The following ARPP21 variants were observed in gnomAD, a reference collection of about 807,000 sequenced individuals.
ARPP21 encodes the protein cAMP regulated phosphoprotein 21.
In ARPP21, 69 loss-of-function variants were observed where a neutral mutation model predicts 113.2. The observed-to-expected ratio is 0.61, with a 90% CI of 0.50 to 0.74. The LOEUF (loss-of-function observed/expected upper bound fraction) is 0.74, where lower values mean the gene tolerates loss of function less well. ARPP21 is among the 30% of genes least tolerant of loss of function. ARPP21 has a pLI of 0.00. For missense variants in ARPP21, 1,070 were observed against 1,037.4 expected, an observed-to-expected ratio of 1.03 and a Z score of -0.43; for synonymous variants, 368 against 375.5, an observed-to-expected ratio of 0.98 and a Z score of 0.23.
intron 16 of ARPP21, among the ~76,000 whole-genome samples, chr3:35,737,846 G>A (rs536720070): frequency 6.6e-6 from 1 of 152,314 alleles, no homozygotes; most frequent in East Asian, 1.9e-4. Flanking sequence ...GCCCTCCTTT[G>A]CTGGGAAGAC....
At position 35,748,033 on chromosome 3, in the gene ARPP21, G is replaced by C. The variant is rs1482977082; in HGVS notation, c.2137+4068G>C. On this transcript the variant is annotated intron_variant, in intron 19 of 20. Transcript: ENST00000684406. ...AGGAAAAGAAAGAAAGACAGAAAGA[G>C]AAAGGAGAGAGAGAAAGAAAAGGAA... Among the ~76,000 whole-genome samples, 4 of 130,380 alleles carry C rather than the reference G, an allele frequency of 3.1e-5. No homozygotes were observed. In the Admixed American group the frequency reaches 3.3e-4, roughly 11 times the overall value. 85.5% of individuals were successfully genotyped at this position (130,380 alleles called of 152,430 possible).
intron 19 of ARPP21, among the ~76,000 whole-genome samples, chr3:35,781,787 G>GAATGA (rs548077269): frequency 3.5e-3 from 533 of 152,188 alleles, no homozygotes; most frequent in Non-Finnish European, 5.4e-3. Flanking sequence ...CAAAATAATG[G>GAATGA]AGAATCAGAG....
At chr3:35,668,985 A>G (rs1559553363) in intron 1 of ARPP21, among the ~76,000 whole-genome samples, 1 of 152,170 alleles carries the variant, frequency 6.6e-6, no homozygotes, top group Non-Finnish European at 1.5e-5. Context: ...GGTGCTAGCA[A>G]TAAAGAATAA....
intron 19 of ARPP21, among the ~76,000 whole-genome samples, chr3:35,749,942 C>G (rs984451204): frequency 1.3e-5 from 2 of 151,870 alleles, no homozygotes; most frequent in African/African-American, 4.8e-5. Context: ...TTTAACTTCT[C>G]TCTTTTTATT....
chr3:35,683,873 G>T, intron 5 of ARPP21, 58 bp downstream of exon 5: 1 of 959,360 alleles, frequency 1.0e-6, no homozygotes, highest in South Asian at 1.3e-5. Context: ...TTGTGTGCAT[G>T]ACTCTTAATT....
intron 1 of ARPP21, among the ~76,000 whole-genome samples, chr3:35,644,921 G>T (rs974200862): frequency 6.6e-6 from 1 of 151,844 alleles, no homozygotes; most frequent in Non-Finnish European, 1.5e-5. Context: ...ACCTTTCAAT[G>T]TGACAGGTTT....
At chr3:35,683,001 G>A (rs1409665686) in intron 4 of ARPP21, 112 bp downstream of exon 4, 28 of 1,044,990 alleles carry the variant, frequency 2.7e-5, no homozygotes, top group Non-Finnish European at 3.9e-5. Flanking sequence ...CAGATATTGT[G>A]GGGCATCTCG....
At chr3:35,738,834 T>G (rs898472421) in intron 17 of ARPP21, among the ~76,000 whole-genome samples, 1 of 152,178 alleles carries the variant, frequency 6.6e-6, no homozygotes, top group Admixed American at 6.5e-5. Context: ...CTCCCTCATA[T>G]AGTAATATAA....
chr3:35,760,990 A>C (rs1448964032), intron 19 of ARPP21, among the ~76,000 whole-genome samples: 2 of 152,100 alleles, frequency 1.3e-5, no homozygotes, highest in Non-Finnish European at 2.9e-5. Flanking sequence ...CCCTGACTGT[A>C]ACAGATTCTA....
chr3:35,773,247 A>T (rs1230096472), intron 19 of ARPP21, among the ~76,000 whole-genome samples: 1 of 152,158 alleles, frequency 6.6e-6, no homozygotes, highest in Non-Finnish European at 1.5e-5. Context: ...TGCTTTCTAT[A>T]TACCAGACAG....
At chr3:35,684,614 T>TTACCTGAG (rs745651229) in intron 5 of ARPP21, 14 of 985,352 alleles carry the variant, frequency 1.4e-5, no homozygotes, top group Non-Finnish European at 1.6e-5. Context: ...GTAAAATGGT[T>TTACCTGAG]TACCTGAGCC....
At chr3:35,784,101 G>A (rs1389295252) in intron 19 of ARPP21, among the ~76,000 whole-genome samples, 2 of 152,148 alleles carry the variant, frequency 1.3e-5, no homozygotes, top group African/African-American at 2.4e-5. Context: ...TCTGTTTATG[G>A]CCTGTCTCCA....
At chr3:35,650,515 C>T (rs1701968925) in intron 1 of ARPP21, 1 of 151,746 alleles carries the variant, frequency 6.6e-6, no homozygotes, top group African/African-American at 2.4e-5. Context: ...GAATTAATTC[C>T]AACAAATTAG....
rs1210253578 is a variant in ARPP21 at position 35,739,517 on chromosome 3, G to A, written c.1950G>A (p.Gln650=). The change falls in exon 18 of 21, where the codon CAG becomes CAA. Residue 650 remains glutamine (Q), a synonymous_variant. Coordinates refer to ENST00000684406, the MANE Select transcript of ARPP21 (RefSeq NM_001385562.1). ...CAGGCTCTGGCCCTCCCATCTCCCA[G>A]CAGGTCCTCCAGCCCCCTCCCTCAC... ...GFSGSGPPIS[Q]QVLQPPPSPQ... 6.2e-7 allele frequency: 1 copy of A among 1,614,060 alleles called. No homozygotes were observed. Among genetic ancestry groups the A allele is most frequent in the East Asian group, 2.2e-5 (1 of 44,860 alleles).
intron 15 of ARPP21, among the ~76,000 whole-genome samples, chr3:35,734,810 A>G (rs1173529578): frequency 6.6e-6 from 1 of 152,176 alleles, no homozygotes; most frequent in African/African-American, 2.4e-5. Context: ...TTATTGAGCT[A>G]TACAATATAT....
At chr3:35,641,035 A>C (rs1458911307) in intron 1 of ARPP21, 1 of 152,150 alleles carries the variant, frequency 6.6e-6, no homozygotes, top group Non-Finnish European at 1.5e-5. Flanking sequence ...CTACCTGATC[A>C]CCTCCTGAAG....
At chr3:35,639,201 G>C (rs1278449691), upstream of ARPP21, among the ~76,000 whole-genome samples, 1 of 152,102 alleles carries the variant, frequency 6.6e-6, no homozygotes, top group African/African-American at 2.4e-5. The surrounding 1 kb of genome is among the most constrained non-coding windows in gnomAD (Gnocchi z 5.0). Flanking sequence ...CTTAGGGCTG[G>C]CGGAGAACGG....
intron 11 of ARPP21, among the ~76,000 whole-genome samples, chr3:35,709,961 G>A (rs750183093): frequency 7.9e-5 from 12 of 152,206 alleles, no homozygotes; most frequent in Admixed American, 2.0e-4. Flanking sequence ...GTAGGCTTCA[G>A]TGCTTAGCTT....
At position 35,660,448 on chromosome 3, in the gene ARPP21, C is replaced by T. The variant is rs565720293; in HGVS notation, c.-212-19339C>T. On this transcript the variant is annotated intron_variant, in intron 1 of 20. Coordinates refer to ENST00000684406, the MANE Select transcript of ARPP21 (RefSeq NM_001385562.1). ...TTCCACCCCCTTATCCGCACATACA[C>T]CATAAAAGTGCACCTCACTTTTTGC... 6.6e-5 allele frequency among the ~76,000 whole-genome samples: 10 copies of T among 152,292 alleles called. No individual in the cohort carries two copies. In the East Asian group the frequency reaches 1.9e-3, roughly 30 times the overall value.
Sources: gnomAD v4.1 joint callset for allele counts (sites outside exome capture counted in the v4.1 genomes callset) on GRCh38, gnomAD v4.1.1 for gene constraint, Gnocchi (gnomAD v3.1) non-coding constraint, MANE v1.5 for transcripts, NCBI Gene and HGNC (gene_info 2026-07-23, HGNC 2026-07-21) for gene names.